Variants in SCNN1G observed in about 807,000 individuals in gnomAD.
SCNN1G encodes the protein sodium channel epithelial 1 subunit gamma.
In SCNN1G, 27 loss-of-function variants were observed where a neutral mutation model predicts 64.6. That is an observed-to-expected ratio of 0.42 (90% CI 0.31 to 0.58). The LOEUF (loss-of-function observed/expected upper bound fraction) is 0.58, where lower values mean the gene tolerates loss of function less well. Ranked by LOEUF, SCNN1G falls within the 20% of genes least tolerant of loss-of-function variation. The pLI is 0.18. For missense variants in SCNN1G, 743 were observed against 823.4 expected, an observed-to-expected ratio of 0.90 and a Z score of 1.19; for synonymous variants, 330 against 314.2, an observed-to-expected ratio of 1.05 and a Z score of -0.53.
chr16:23,203,512 T>G (rs1413035058), intron 6 of SCNN1G, among the ~76,000 whole-genome samples: 1 of 152,112 alleles, frequency 6.6e-6, no homozygotes, highest in Non-Finnish European at 1.5e-5. Context: ...GGCTCACACC[T>G]GTAATCCCAG....
rs748506652 is a variant in SCNN1G at position 23,209,804 on chromosome 16, G to A, written c.1132G>A (p.Asp378Asn). 2 of 1,614,128 alleles carry A rather than the reference G, an allele frequency of 1.2e-6. No homozygotes were observed. The highest frequency in any genetic ancestry group is 2.2e-5 in the South Asian group (2 of 91,080). ...CAGTCAGTGCACGGAGGACGGGAGT[G>A]ACGTGCCAATCAGGAACATCTACAA... ...PYSQCTEDGS[D>N]VPIRNIYNAA... is the part of the protein sequence containing the mutation. Residue 378 changes from aspartate (D) to asparagine (N), a missense_variant, in exon 7 of 13, where the codon GAC (aspartate) becomes AAC (asparagine). Physicochemically the swap from Asp to Asn is conservative, Grantham distance 23. Coordinates refer to ENST00000300061, the MANE Select transcript of SCNN1G (RefSeq NM_001039.4).
chr16:23,185,321 T>C (rs1959588841), intron 1 of SCNN1G, among the ~76,000 whole-genome samples: 1 of 152,248 alleles, frequency 6.6e-6, no homozygotes. Flanking sequence ...AATGAGACTA[T>C]ATATTATAAA....
At position 23,194,753 on chromosome 16, in the gene SCNN1G, A is replaced by G. The variant is rs988500314; in HGVS notation, c.913+479A>G. 9 of 200,432 alleles carry G rather than the reference A, an allele frequency of 4.5e-5. 1 individual carries two copies. Among genetic ancestry groups the G allele is most frequent in the Middle Eastern group, 4.2e-3 (2 of 476 alleles). 12.4% of individuals were successfully genotyped at this position (200,432 alleles called of 1,614,324 possible). On this transcript the variant is annotated intron_variant, in intron 5 of 12. Coordinates refer to ENST00000300061, the MANE Select transcript of SCNN1G (RefSeq NM_001039.4). ...GCGCTTCGTCTATAAAGCGGGACTA[A>G]TAATAGTATCTCCCATGTGAGATTA...
chr16:23,192,186 A>G (rs961537103), intron 3 of SCNN1G, among the ~76,000 whole-genome samples, 166 bp from the exon 4 acceptor site: 1 of 152,056 alleles, frequency 6.6e-6, no homozygotes, highest in African/African-American at 2.4e-5. Flanking sequence ...CTTGAGGATG[A>G]TCACTCCCAA....
In SCNN1G at chr16:23,192,446, T is replaced by C. The variant is rs1478282025; in HGVS notation, c.713T>C (p.Met238Thr). ...EWYKLHYMNI[M>T]AQVPLEKKIN... ...TATAAGCTACACTACATGAACATCA[T>C]GGCACAGGTGCCTCTGGAGAAGAAA... Residue 238 changes from methionine to threonine, a missense_variant, in exon 4 of 13, where the codon ATG becomes ACG. Transcript: ENST00000300061. 1.9e-6 allele frequency: 3 copies of C among 1,613,994 alleles called. No individual in the cohort carries two copies. Among genetic ancestry groups the C allele is most frequent in the South Asian group, 2.2e-5 (2 of 91,078 alleles).
chr16:23,211,278 A>G (rs1960075137), intron 7 of SCNN1G, among the ~76,000 whole-genome samples: 1 of 152,268 alleles, frequency 6.6e-6, no homozygotes, highest in Admixed American at 6.5e-5. Context: ...GAACTCTGCC[A>G]TTAGCTTTTA....
intron 6 of SCNN1G, among the ~76,000 whole-genome samples, chr16:23,207,545 T>TTAATAGAAA (rs1328236961): frequency 2.0e-5 from 3 of 152,308 alleles, no homozygotes; most frequent in African/African-American, 7.2e-5. Context: ...TATTCTGTAC[T>TTAATAGAAA]GACATAGAAA....
chr16:23,204,340 G>A lies in SCNN1G; in HGVS notation c.1078-5410G>A, dbSNP rs867947115. 3.0e-4 allele frequency among the ~76,000 whole-genome samples: 30 copies of A among 99,600 alleles called. 1 individual carries two copies. Among genetic ancestry groups the A allele is most frequent in the African/African-American group, 1.1e-3 (29 of 27,348 alleles). 65.3% of individuals were successfully genotyped at this position (99,600 alleles called of 152,430 possible). On this transcript the variant is annotated intron_variant, in intron 6 of 12. Coordinates refer to ENST00000300061, the MANE Select transcript of SCNN1G (RefSeq NM_001039.4). ...ATATATATATATATATATATAGAGAGAGAGAGAGAGAGAGAGAGAGAGAGA... is the reference window on the plus strand; with the variant it reads ...ATATATATATATATATATATAGAGAAAGAGAGAGAGAGAGAGAGAGAGAGA...
intron 6 of SCNN1G, among the ~76,000 whole-genome samples, chr16:23,203,795 A>AG: frequency 1.3e-5 from 2 of 150,318 alleles, no homozygotes. Context: ...AAAAAAAAAA[A>AG]AGAGCTCTGA....
chr16:23,204,629 T>C (rs1308665274), intron 6 of SCNN1G, among the ~76,000 whole-genome samples: 1 of 151,454 alleles, frequency 6.6e-6, no homozygotes, highest in Non-Finnish European at 1.5e-5. Context: ...TGCAAACATC[T>C]TTCCCAGTTT....
At chr16:23,206,885 G>T (rs1159952734) in intron 6 of SCNN1G, among the ~76,000 whole-genome samples, 1 of 151,978 alleles carries the variant, frequency 6.6e-6, no homozygotes, top group Non-Finnish European at 1.5e-5. Flanking sequence ...ACTCTTTTTT[G>T]TGTGTCCCTA....
intron 3 of SCNN1G, among the ~76,000 whole-genome samples, chr16:23,190,263 A>AAGAAAGAAAGAG (rs553190624): frequency 6.6e-6 from 1 of 152,078 alleles, no homozygotes; most frequent in Non-Finnish European, 1.5e-5. Context: ...TTTTTAAAAA[A>AAGAAAGAAAGAG]AGAAAGAAAG....
chr16:23,189,277 C>A, intron 2 of SCNN1G, 94 bp from the exon 3 acceptor site: 1 of 1,301,720 alleles, frequency 7.7e-7, no homozygotes, highest in Non-Finnish European at 1.1e-6. Context: ...GGGCATGAGG[C>A]TGACACGTGT....
intron 5 of SCNN1G, among the ~76,000 whole-genome samples, chr16:23,196,250 C>T (rs1333548105): frequency 2.6e-5 from 4 of 152,118 alleles, no homozygotes; most frequent in Admixed American, 6.6e-5. Flanking sequence ...CAAGAACATT[C>T]CAGGGACTAG....
chr16:23,211,673 A>T (rs979537248), intron 7 of SCNN1G, among the ~76,000 whole-genome samples: 3 of 152,050 alleles, frequency 2.0e-5, no homozygotes, highest in South Asian at 2.1e-4. Context: ...TTAGCTGGGC[A>T]TGGTGGTGTG....
At chr16:23,197,724 C>T (rs931157233) in intron 6 of SCNN1G, among the ~76,000 whole-genome samples, 3 of 151,962 alleles carry the variant, frequency 2.0e-5, no homozygotes, top group Non-Finnish European at 2.9e-5. Context: ...ACTAAAAATA[C>T]AAAAAATTAG....
chr16:23,205,853 A>G (rs1235198110), intron 6 of SCNN1G, among the ~76,000 whole-genome samples: 1 of 152,208 alleles, frequency 6.6e-6, no homozygotes, highest in African/African-American at 2.4e-5. Context: ...TAGCATGGAA[A>G]CCAAGGGAAA....
At chr16:23,200,221 G>T (rs1228373374) in intron 6 of SCNN1G, among the ~76,000 whole-genome samples, 1 of 152,122 alleles carries the variant, frequency 6.6e-6, no homozygotes, top group Non-Finnish European at 1.5e-5. Flanking sequence ...TTACCAAGTT[G>T]TAGTGGTTAT....
chr16:23,199,663 C>CTTTTTTT (rs67132706), intron 6 of SCNN1G, among the ~76,000 whole-genome samples: 9 of 59,652 alleles, frequency 1.5e-4, no homozygotes, highest in Non-Finnish European at 1.5e-4. Flanking sequence ...CTTTTCTTTT[C>CTTTTTTT]TTTTTTTTTT....
Sources: allele counts gnomAD v4.1 joint callset (sites outside exome capture counted in the v4.1 genomes callset), GRCh38; gene constraint gnomAD v4.1.1; transcripts MANE v1.5; gene names NCBI Gene and HGNC (gene_info 2026-07-23, HGNC 2026-07-21).